Variants in CSMD1 observed in about 807,000 individuals in gnomAD.
CSMD1 encodes CUB and sushi domain-containing protein 1.
A neutral mutation model predicts 417.5 loss-of-function variants in CSMD1; 213 were observed. That is an observed-to-expected ratio of 0.51 (90% CI 0.46 to 0.57). The LOEUF (loss-of-function observed/expected upper bound fraction) is 0.57, where lower values mean the gene tolerates loss of function less well. CSMD1 is among the 20% of genes least tolerant of loss of function. The pLI is 0.00. For missense variants in CSMD1, 6,923 were observed against 4,529.7 expected, an observed-to-expected ratio of 1.53 and a Z score of -15.17; for synonymous variants, 2,862 against 1,736.8, an observed-to-expected ratio of 1.65 and a Z score of -16.11.
intron 3 of CSMD1, among the ~76,000 whole-genome samples, chr8:4,049,812 A>G (rs1173955719): frequency 6.6e-6 from 1 of 151,584 alleles, no homozygotes; most frequent in African/African-American, 2.4e-5. Context: ...CTTTGTATGG[A>G]CATTTCTTAC....
rs547169119 is a variant in CSMD1 at position 3,574,160 on chromosome 8, C to G, written c.1344+785G>C. ...TATTTAAGAAAGAGGAAAACACGCT[C>G]AGATGTTTAATTCTTGAAAAACGTA... On this transcript the variant is annotated intron_variant, in intron 10 of 69. Transcript: ENST00000635120. 2.3e-4 allele frequency among the ~76,000 whole-genome samples: 35 copies of G among 152,286 alleles called. No homozygotes were observed. In the South Asian group the frequency reaches 6.2e-3, roughly 27 times the overall value.
At chr8:4,157,931 G>C (rs532579610) in intron 3 of CSMD1, among the ~76,000 whole-genome samples, 1 of 152,190 alleles carries the variant, frequency 6.6e-6, no homozygotes, top group Admixed American at 6.5e-5. Flanking sequence ...GGTTAAGCAA[G>C]CTGTAAGGTT....
chr8:3,889,548 T>A (rs1424295748), intron 5 of CSMD1, among the ~76,000 whole-genome samples: 6 of 87,216 alleles, frequency 6.9e-5, no homozygotes, highest in Non-Finnish European at 1.1e-4. Flanking sequence ...CACATATGTG[T>A]ATATGTGTGT....
intron 3 of CSMD1, among the ~76,000 whole-genome samples, chr8:4,278,635 G>C (rs547155882): frequency 6.6e-6 from 1 of 152,060 alleles, no homozygotes; most frequent in Non-Finnish European, 1.5e-5. Flanking sequence ...TTTTAGCTAC[G>C]AATTCAACAT....
chr8:3,980,431 A>C (rs1438063753), intron 5 of CSMD1, among the ~76,000 whole-genome samples: 1 of 152,150 alleles, frequency 6.6e-6, no homozygotes, highest in Non-Finnish European at 1.5e-5. Flanking sequence ...ATGGTCAGGG[A>C]AATCTTCACA....
intron 2 of CSMD1, among the ~76,000 whole-genome samples, chr8:4,582,489 C>T (rs1434952797): frequency 2.0e-5 from 3 of 152,088 alleles, no homozygotes; most frequent in Admixed American, 6.5e-5. Context: ...CCTCCAGGCA[C>T]CAGGCAGGAA....
At chr8:4,879,299 C>G (rs1231467111) in intron 1 of CSMD1, among the ~76,000 whole-genome samples, 1 of 151,882 alleles carries the variant, frequency 6.6e-6, no homozygotes, top group Non-Finnish European at 1.5e-5. Flanking sequence ...TGTTTATTGG[C>G]TATATTTAGC....
intron 2 of CSMD1, among the ~76,000 whole-genome samples, chr8:4,477,439 A>C (rs1024333242): frequency 3.3e-5 from 5 of 152,212 alleles, no homozygotes; most frequent in Admixed American, 3.3e-4. Context: ...TCAGAAACTG[A>C]GTCTGGTAAA....
chr8:2,969,514 C>T (rs1009935500), intron 57 of CSMD1, among the ~76,000 whole-genome samples: 5 of 152,160 alleles, frequency 3.3e-5, no homozygotes, highest in African/African-American at 4.8e-5. Flanking sequence ...AAAGATTTTT[C>T]GTTTAGAATT....
chr8:4,113,696 G>A (rs745947743), intron 3 of CSMD1, among the ~76,000 whole-genome samples: 7 of 152,260 alleles, frequency 4.6e-5, no homozygotes, highest in South Asian at 2.1e-4. Flanking sequence ...GAGCCACCGC[G>A]CCCAGCCAGT....
chr8:3,347,977 GA>G lies in CSMD1; in HGVS notation c.3474+14del. ...GAAAACTTGGAGTCATCATGTTGGA[GA>G]AGATTCTTTTTACCTTTAGAGTATC... On this transcript the variant is annotated intron_variant, in intron 22 of 69. Coordinates refer to ENST00000635120, the MANE Select transcript of CSMD1 (RefSeq NM_033225.6). 1 of 1,543,888 alleles carries G rather than the reference GA, an allele frequency of 6.5e-7. No homozygotes were observed. The highest frequency in any genetic ancestry group is 8.7e-7 in the Non-Finnish European group (1 of 1,148,020).
chr8:4,241,620 G>C (rs749285342), intron 3 of CSMD1, among the ~76,000 whole-genome samples: 7 of 152,048 alleles, frequency 4.6e-5, no homozygotes, highest in Non-Finnish European at 1.5e-5. Context: ...TTTCTATGTA[G>C]AGGAGAAATA....
intron 5 of CSMD1, among the ~76,000 whole-genome samples, chr8:3,811,741 G>A (rs571789471): frequency 6.6e-6 from 1 of 152,092 alleles, no homozygotes. Context: ...ATGCGGCGGA[G>A]AAAGGGAACC....
chr8:4,968,480 T>A (rs559114651), intron 1 of CSMD1, among the ~76,000 whole-genome samples: 2 of 152,218 alleles, frequency 1.3e-5, no homozygotes, highest in East Asian at 3.9e-4. Flanking sequence ...CTGCATAGAT[T>A]AAGATATAGG....
At chr8:3,001,488 G>A (rs1417902448) in intron 52 of CSMD1, among the ~76,000 whole-genome samples, 1 of 152,100 alleles carries the variant, frequency 6.6e-6, no homozygotes, top group Non-Finnish European at 1.5e-5. Context: ...CATGGGTTTT[G>A]GAGTCACAAG....
At chr8:3,110,427 A>AT in intron 42 of CSMD1, 92 bp from the exon 43 acceptor site, 1 of 1,041,276 alleles carries the variant, frequency 9.6e-7, no homozygotes, top group Non-Finnish European at 1.3e-6. Context: ...CTTAGCCAAC[A>AT]TTTTTCCTGA....
At chr8:3,499,340 G>A (rs942148534) in intron 10 of CSMD1, among the ~76,000 whole-genome samples, 3 of 152,084 alleles carry the variant, frequency 2.0e-5, no homozygotes, top group East Asian at 1.9e-4. Context: ...TAATGCAGAT[G>A]GAGACTTTGG....
rs560610249 is a variant in CSMD1 at position 4,363,541 on chromosome 8, C to A, written c.415+56412G>T. Among the ~76,000 whole-genome samples the A allele has an allele frequency of 4.0e-4, 61 of 152,214 alleles. 1 individual carries two copies. In the South Asian group the frequency reaches 7.5e-3, roughly 19 times the overall value. On this transcript the variant is annotated intron_variant, in intron 3 of 69. Coordinates refer to ENST00000635120, the MANE Select transcript of CSMD1 (RefSeq NM_033225.6). ...AGCTAAGAAAGAAGAGCAATAACTC[C>A]CTCCCTACTACAGATTGTAGGAAAC... is the stretch of plus-strand genomic sequence containing the variant.
At chr8:2,952,369 C>T (rs1052942081) in intron 65 of CSMD1, among the ~76,000 whole-genome samples, 1 of 152,188 alleles carries the variant, frequency 6.6e-6, no homozygotes, top group African/African-American at 2.4e-5. Flanking sequence ...TCCAGCCCAA[C>T]TGGCCATTTT....
Sources: allele counts gnomAD v4.1 joint callset (sites outside exome capture counted in the v4.1 genomes callset), GRCh38; gene constraint gnomAD v4.1.1; transcripts MANE v1.5; gene names NCBI Gene and HGNC (gene_info 2026-07-23, HGNC 2026-07-21).